Variants in SVOPL observed in about 807,000 individuals in gnomAD.
The protein encoded by SVOPL is putative transporter SVOPL.
Under a neutral mutation model 61.0 loss-of-function variants are expected in SVOPL, and 60 were observed. That is an observed-to-expected ratio of 0.98 (90% CI 0.80 to 1.22). The LOEUF (loss-of-function observed/expected upper bound fraction) is 1.22, where lower values mean the gene tolerates loss of function less well. Ranked by LOEUF, SVOPL falls within the 50% of genes most tolerant of loss-of-function variation. The pLI is 0.00. For synonymous variants in SVOPL, 279 were observed against 250.0 expected, an observed-to-expected ratio of 1.12 and a Z score of -1.09; for missense variants, 662 against 643.9, an observed-to-expected ratio of 1.03 and a Z score of -0.30.
At chr7:138,629,131 G>GTA (rs1800040660) in intron 10 of SVOPL, among the ~76,000 whole-genome samples, 1 of 72,044 alleles carries the variant, frequency 1.4e-5, no homozygotes, top group Non-Finnish European at 3.4e-5. Flanking sequence ...TTATATATGT[G>GTA]TGTGTGTGTG....
chr7:138,636,976 TATC>T (rs1273441100), intron 9 of SVOPL, among the ~76,000 whole-genome samples: 1 of 152,152 alleles, frequency 6.6e-6, no homozygotes, highest in Non-Finnish European at 1.5e-5. Context: ...AACAGTGTCA[TATC>T]ATACCAATAA....
Position 138,621,033 on chromosome 7 carries a change from T to C in SVOPL, c.1353+13A>G, listed in dbSNP as rs771765049. On this transcript the variant is annotated intron_variant, in intron 14 of 15. Coordinates refer to ENST00000674285, the MANE Select transcript of SVOPL (RefSeq NM_001139456.2). Reference sequence around the variant, plus strand: ...TCAGACTCTCTCTCTCCCTGCAGGGTCCTTGGCTGTACCTGGGATATAAAT... The same window carrying C: ...TCAGACTCTCTCTCTCCCTGCAGGGCCCTTGGCTGTACCTGGGATATAAAT... 1.2e-6 allele frequency: 2 copies of C among 1,612,196 alleles called. No individual in the cohort carries two copies. The highest frequency in any genetic ancestry group is 2.7e-5 in the African/African-American group (2 of 74,850).
Position 138,642,871 on chromosome 7 carries a change from A to AATAATAT in SVOPL, c.789+1839_789+1845dup, listed in dbSNP as rs549020713. Among the ~76,000 whole-genome samples the AATAATAT allele has an allele frequency of 4.4e-4, 66 of 151,570 alleles. No individual in the cohort carries two copies. In the South Asian group the frequency reaches 0.012, roughly 28 times the overall value. ...AAAAAGAAGAAACAAAATTTTTAAT[A>AATAATAT]ATAATATATATAACCAAAATTGACT... On this transcript the variant is annotated intron_variant, in intron 9 of 15. Coordinates refer to ENST00000674285, the MANE Select transcript of SVOPL (RefSeq NM_001139456.2).
rs1159063438 is a variant in SVOPL at position 138,605,640 on chromosome 7, C to CAA, written c.1354-9112_1354-9111dup. ...TCATACCACTGCACTCTAACCTGGG[C>CAA]AAAAAAAAAAAAAAAAAAAATAGAA... On this transcript the variant is annotated intron_variant, in intron 14 of 15. Transcript: ENST00000674285. 9.5e-4 allele frequency among the ~76,000 whole-genome samples: 80 copies of CAA among 84,172 alleles called. 1 individual carries two copies. The highest frequency in any genetic ancestry group is 1.6e-3 in the South Asian group (4 of 2,514). 55.2% of individuals were successfully genotyped at this position (84,172 alleles called of 152,430 possible). A position where few individuals can be genotyped will look rare whatever the true frequency, so the allele number is the denominator to read the frequency against.
At position 138,661,912 on chromosome 7, in the gene SVOPL, C is replaced by G. The variant is rs183516258; in HGVS notation, c.345+1162G>C. 7 of 985,418 alleles carry G rather than the reference C, an allele frequency of 7.1e-6. No homozygotes were observed. The Admixed American group carries it at 3.1e-4, about 43-fold the overall frequency. The allele number at this position is 985,418 out of a possible 1,614,324, so 61.0% of individuals were successfully genotyped here. ...AGGTCAATATTTCTGGCATAGCTGG[C>G]AAGGTTCAGAGCAACACCACCCCTT... On this transcript the variant is annotated intron_variant, in intron 5 of 15. Transcript: ENST00000674285.
At chr7:138,607,971 A>G (rs1206096819) in intron 14 of SVOPL, among the ~76,000 whole-genome samples, 1 of 152,242 alleles carries the variant, frequency 6.6e-6, no homozygotes, top group East Asian at 1.9e-4. Flanking sequence ...ACTACTTGGA[A>G]TGTTAAAATA....
chr7:138,596,905 T>C, intron 14 of SVOPL: 1 of 1,085,796 alleles, frequency 9.2e-7, no homozygotes, highest in African/African-American at 1.7e-5. Context: ...CTATATCCTC[T>C]GTCTGCCAAA....
intron 1 of SVOPL, among the ~76,000 whole-genome samples, chr7:138,696,757 C>T (rs1382572070): frequency 6.6e-6 from 1 of 152,014 alleles, no homozygotes; most frequent in Admixed American, 6.6e-5. Context: ...TTGGTAGAAA[C>T]GGGGTCTTAC....
chr7:138,596,648 A>G (rs1798294971), intron 14 of SVOPL, 118 bp from the exon 15 acceptor site: 10 of 1,441,788 alleles, frequency 6.9e-6, no homozygotes, highest in South Asian at 1.5e-5. Flanking sequence ...CAGCCATTCT[A>G]CAGGTTGTAC....
rs139338246 is a variant in SVOPL, at chr7:138,659,869, C to A, written c.465G>T (p.Ser155=). 704 of 1,551,406 alleles carry A rather than the reference C, an allele frequency of 4.5e-4. 11 individuals are homozygous for A. In the East Asian group the frequency reaches 0.017, roughly 38 times the overall value. The change falls in exon 6 of 16, where the codon TCG becomes TCT. Residue 155 remains serine (S), a synonymous_variant. Coordinates refer to ENST00000674285, the MANE Select transcript of SVOPL (RefSeq NM_001139456.2). ...CCCCTGGGTAACATATTTACCCTTGCGAGTGGCCGGACACACCACAGCCCA... is the reference window on the plus strand; with the variant it reads ...CCCCTGGGTAACATATTTACCCTTGAGAGTGGCCGGACACACCACAGCCCA... ...TMVGCGVSGH[S]QGLIIKTEFL...
At chr7:138,614,218 A>G (rs1799181027) in intron 14 of SVOPL, among the ~76,000 whole-genome samples, 1 of 152,192 alleles carries the variant, frequency 6.6e-6, no homozygotes, top group African/African-American at 2.4e-5. Context: ...TCACCAAAAT[A>G]GGACCCTGAA....
At chr7:138,596,712 T>A (rs1034984671) in intron 14 of SVOPL, 182 bp from the exon 15 acceptor site, 1 of 1,322,318 alleles carries the variant, frequency 7.6e-7, no homozygotes, top group African/African-American at 1.5e-5. Flanking sequence ...TTTTGTGTGA[T>A]TAGTCCAAGA....
chr7:138,615,324 G>A (rs1178064353), intron 14 of SVOPL, among the ~76,000 whole-genome samples: 5 of 152,106 alleles, frequency 3.3e-5, no homozygotes, highest in African/African-American at 7.2e-5. Flanking sequence ...TTGGGAGGCC[G>A]AGATGGGCAG....
At chr7:138,628,507 T>C in intron 10 of SVOPL, 144 bp from the exon 11 acceptor site, 1 of 786,466 alleles carries the variant, frequency 1.3e-6, no homozygotes, top group Non-Finnish European at 2.0e-6. Context: ...AGAGCATTCG[T>C]GGAAGTGTCT....
At chr7:138,595,862 A>T (rs1424534870) in intron 15 of SVOPL, among the ~76,000 whole-genome samples, 1 of 152,158 alleles carries the variant, frequency 6.6e-6, no homozygotes, top group African/African-American at 2.4e-5. Context: ...ATTAAAATGC[A>T]TTGTTACATT....
At chr7:138,597,441 A>G (rs938099507) in intron 14 of SVOPL, among the ~76,000 whole-genome samples, 2 of 152,100 alleles carry the variant, frequency 1.3e-5, no homozygotes, top group African/African-American at 4.8e-5. Flanking sequence ...ATGATACACA[A>G]TTTGGGAGCG....
chr7:138,622,290 C>CTATCTATCTATGTATG (rs1799699729), intron 13 of SVOPL, among the ~76,000 whole-genome samples: 3 of 106,656 alleles, frequency 2.8e-5, no homozygotes, highest in African/African-American at 1.0e-4. Flanking sequence ...ATCTATCTAT[C>CTATCTATCTATGTATG]TATCTATCTA....
intron 14 of SVOPL, among the ~76,000 whole-genome samples, chr7:138,614,317 A>G (rs1247677741): frequency 1.3e-5 from 2 of 152,186 alleles, no homozygotes; most frequent in African/African-American, 4.8e-5. Context: ...TTTCAGCTAG[A>G]AAAAGCAGAG....
In SVOPL at chr7:138,628,250, TC is replaced by T. The variant is rs769304357; in HGVS notation, c.976del (p.Asp326ThrfsTer22). On this transcript the variant is annotated frameshift_variant, in exon 11 of 16. Coordinates refer to ENST00000674285, the MANE Select transcript of SVOPL (RefSeq NM_001139456.2). LOFTEE classifies it high-confidence loss of function. ...GCAGGGGCTCTGGCTCTCCCCTGAGTCCCCCCCAGTCACCACCACCGCAGAG... is the reference window on the plus strand; with the variant it reads ...GCAGGGGCTCTGGCTCTCCCCTGAGTCCCCCCAGTCACCACCACCGCAGAG... ...SDSAVVVTGG[D>X]SGESQSPCYC... 15 of 1,613,204 alleles carry T rather than the reference TC, an allele frequency of 9.3e-6. No homozygotes were observed. In the African/African-American group the frequency reaches 1.9e-4, roughly 20 times the overall value.
Sources: gnomAD v4.1 joint callset for allele counts (sites outside exome capture counted in the v4.1 genomes callset) on GRCh38, gnomAD v4.1.1 for gene constraint, MANE v1.5 for transcripts, NCBI Gene and HGNC (gene_info 2026-07-23, HGNC 2026-07-21) for gene names.